The following KCND3 variants were observed in gnomAD, a reference collection of about 807,000 sequenced individuals.
KCND3 encodes potassium voltage-gated channel subfamily D member 3.
KCND3 carries 9 observed loss-of-function variants against 51.1 expected under a neutral mutation model. The observed-to-expected ratio is 0.18, with a 90% confidence interval of 0.11 to 0.31. The LOEUF is 0.31. Ranked by LOEUF, KCND3 falls within the 10% of genes least tolerant of loss-of-function variation. KCND3 has a pLI of 1.00. For synonymous variants in KCND3, 349 were observed against 368.0 expected, an observed-to-expected ratio of 0.95 and a Z score of 0.59; for missense variants, 526 against 903.8, an observed-to-expected ratio of 0.58 and a Z score of 5.36.
At chr1:111,831,622 T>TC (rs1466871439) in intron 2 of KCND3, among the ~76,000 whole-genome samples, 2 of 152,184 alleles carry the variant, frequency 1.3e-5, no homozygotes, top group Non-Finnish European at 2.9e-5. Context: ...ATTCTATTTT[T>TC]CCCTTCAAGG....
intron 2 of KCND3, among the ~76,000 whole-genome samples, chr1:111,865,986 G>A (rs1429951870): frequency 1.3e-5 from 2 of 152,154 alleles, no homozygotes; most frequent in African/African-American, 4.8e-5. Context: ...GATTACAGGT[G>A]TGAGCCACCA....
intron 2 of KCND3, among the ~76,000 whole-genome samples, chr1:111,901,548 T>C (rs1241505420): frequency 5.9e-5 from 9 of 152,068 alleles, no homozygotes; most frequent in Admixed American, 5.2e-4. Context: ...CCCGGAGATA[T>C]ATGATGAATT....
At chr1:111,882,596 A>C (rs1669383563) in intron 2 of KCND3, among the ~76,000 whole-genome samples, 1 of 152,170 alleles carries the variant, frequency 6.6e-6, no homozygotes, top group Non-Finnish European at 1.5e-5. Context: ...CCTGAGGTGC[A>C]CTGAGGCTGG....
chr1:111,896,120 C>T (rs1670099880), intron 2 of KCND3, among the ~76,000 whole-genome samples: 1 of 152,174 alleles, frequency 6.6e-6, no homozygotes, highest in South Asian at 2.1e-4. Context: ...TGTGACCAGC[C>T]CCACGGTGCT....
intron 2 of KCND3, among the ~76,000 whole-genome samples, chr1:111,953,180 C>T (rs945376621): frequency 2.0e-5 from 3 of 152,080 alleles, no homozygotes; most frequent in Admixed American, 2.0e-4. Flanking sequence ...CTACCACATT[C>T]TCCAGTGAGG....
chr1:111,789,113 T>C (rs983846100), intron 2 of KCND3, among the ~76,000 whole-genome samples: 2 of 152,182 alleles, frequency 1.3e-5, no homozygotes. Flanking sequence ...AAATAAAGCA[T>C]GGCAGGAGTG....
At chr1:111,964,248 G>A (rs537160464) in intron 2 of KCND3, among the ~76,000 whole-genome samples, 1 of 152,306 alleles carries the variant, frequency 6.6e-6, no homozygotes, top group East Asian at 1.9e-4. Context: ...GGTCAAAGCA[G>A]ATTTTTCACT....
At chr1:111,946,129 C>T (rs779072585) in intron 2 of KCND3, among the ~76,000 whole-genome samples, 5 of 152,350 alleles carry the variant, frequency 3.3e-5, no homozygotes, top group South Asian at 4.1e-4. Context: ...AAATTATCAG[C>T]TCAGCTGTTA....
chr1:111,912,802 AT>A (rs1671026458), intron 2 of KCND3, among the ~76,000 whole-genome samples: 1 of 152,252 alleles, frequency 6.6e-6, no homozygotes, highest in Non-Finnish European at 1.5e-5. Flanking sequence ...ACGGATGTAA[AT>A]AAATATTTTT....
intron 2 of KCND3, among the ~76,000 whole-genome samples, chr1:111,813,901 T>C (rs1665969175): frequency 6.6e-6 from 1 of 152,154 alleles, no homozygotes; most frequent in Admixed American, 6.5e-5. Flanking sequence ...CTCCTATTCA[T>C]TGTCAGGCAC....
At chr1:111,871,452 C>T (rs980956716) in intron 2 of KCND3, among the ~76,000 whole-genome samples, 2 of 152,102 alleles carry the variant, frequency 1.3e-5, no homozygotes, top group Non-Finnish European at 2.9e-5. Flanking sequence ...AAGGAGGAGT[C>T]AGCTTGTGTG....
chr1:111,861,928 C>T (rs1054974186), intron 2 of KCND3, among the ~76,000 whole-genome samples: 4 of 152,180 alleles, frequency 2.6e-5, no homozygotes, highest in African/African-American at 9.7e-5. Context: ...CGAGGGACCC[C>T]CAAATAAGTA....
At chr1:111,956,497 T>C (rs558885294) in intron 2 of KCND3, among the ~76,000 whole-genome samples, 116 of 152,282 alleles carry the variant, frequency 7.6e-4, no homozygotes, top group Non-Finnish European at 9.0e-4. Context: ...CCATGCCCTA[T>C]TGATTGGAGG....
chr1:111,771,570 TC>T lies in KCND3; in HGVS notation c.*4506del, dbSNP rs1663908017. 1 of 152,172 alleles carries T rather than the reference TC, an allele frequency of 6.6e-6. No homozygotes were observed. Among genetic ancestry groups the T allele is most frequent in the Admixed American group, 6.5e-5 (1 of 15,286 alleles). The allele number at this position is 152,172 out of a possible 1,614,324, so 9.4% of individuals were successfully genotyped here. On this transcript the variant is annotated 3_prime_UTR_variant, in exon 8 of 8. Transcript: ENST00000302127. ...AGTGTTAGCTCAATTTTCAACCACT[TC>T]CTCTGCAAAACTTAAGGAAAAACTC... is the stretch of plus-strand genomic sequence containing the variant.
Position 111,775,271 on chromosome 1 carries a change from G to C in KCND3, c.*806C>G, listed in dbSNP as rs1380779611. 4 of 152,510 alleles carry C rather than the reference G, an allele frequency of 2.6e-5. No homozygotes were observed. The highest frequency in any genetic ancestry group is 9.7e-5 in the African/African-American group (4 of 41,426). The allele number at this position is 152,510 out of a possible 1,614,324, so 9.4% of individuals were successfully genotyped here. On this transcript the variant is annotated 3_prime_UTR_variant, in exon 8 of 8. Transcript: ENST00000302127. ...GGATCCAGGTAGAGACAGATGGCTG[G>C]ACACAGAAACAGCTAGGGGTAAGCA...
At chr1:111,830,253 G>T (rs1028297949) in intron 2 of KCND3, among the ~76,000 whole-genome samples, 1 of 152,148 alleles carries the variant, frequency 6.6e-6, no homozygotes. Context: ...ATCACTCCCT[G>T]CTTGACTCTT....
intron 2 of KCND3, among the ~76,000 whole-genome samples, chr1:111,954,309 C>A (rs1673214890): frequency 6.6e-6 from 1 of 152,206 alleles, no homozygotes; most frequent in East Asian, 1.9e-4. Context: ...GGACGAGGAG[C>A]TAACTGTGCC....
intron 2 of KCND3, among the ~76,000 whole-genome samples, chr1:111,946,062 C>T (rs1003889185): frequency 1.3e-5 from 2 of 152,208 alleles, no homozygotes; most frequent in African/African-American, 2.4e-5. Context: ...GTACAGCACT[C>T]GACCCAGTGC....
intron 2 of KCND3, among the ~76,000 whole-genome samples, chr1:111,872,335 T>C (rs1032268987): frequency 1.3e-5 from 2 of 152,202 alleles, no homozygotes; most frequent in African/African-American, 4.8e-5. Context: ...ATTTCCCTTC[T>C]AGGAATGCAC....
Sources: allele counts gnomAD v4.1 joint callset (sites outside exome capture counted in the v4.1 genomes callset), GRCh38; gene constraint gnomAD v4.1.1; transcripts MANE v1.5; gene names NCBI Gene and HGNC (gene_info 2026-07-23, HGNC 2026-07-21).